Variants in KIAA1549L observed in about 807,000 individuals in gnomAD.
The protein encoded by KIAA1549L is UPF0606 protein KIAA1549L.
In KIAA1549L, 88 loss-of-function variants were observed where a neutral mutation model predicts 160.7. The ratio of observed to expected loss-of-function variants is 0.55; its 90% CI spans 0.46 to 0.65. The LOEUF (loss-of-function observed/expected upper bound fraction) is 0.65, where lower values mean the gene tolerates loss of function less well. Ranked by LOEUF, KIAA1549L falls within the 30% of genes least tolerant of loss-of-function variation. The pLI is 0.00. For missense variants in KIAA1549L, 2,258 were observed against 2,437.5 expected (o/e 0.93, Z 1.55); for synonymous variants, 950 against 976.7 (o/e 0.97, Z 0.51).
At chr11:33,579,277 T>G (rs2133258602) in intron 10 of KIAA1549L, among the ~76,000 whole-genome samples, 1 of 152,206 alleles carries the variant, frequency 6.6e-6, no homozygotes, top group Admixed American at 6.5e-5. Context: ...ACATAGTAAG[T>G]GGCAGCTGAA....
intron 1 of KIAA1549L, among the ~76,000 whole-genome samples, chr11:33,389,337 G>A (rs1850230096): frequency 4.6e-5 from 7 of 152,228 alleles, no homozygotes. Flanking sequence ...AGAAGAAAAT[G>A]TGTTGAAATT....
intron 1 of KIAA1549L, among the ~76,000 whole-genome samples, chr11:33,496,506 C>A (rs1191041557): frequency 2.0e-5 from 3 of 152,238 alleles, no homozygotes; most frequent in Non-Finnish European, 4.4e-5. Flanking sequence ...ATTCTACCCC[C>A]AGACATGTTC....
chr11:33,577,435 T>G (rs1379974650), intron 10 of KIAA1549L, among the ~76,000 whole-genome samples: 3 of 152,106 alleles, frequency 2.0e-5, no homozygotes, highest in Non-Finnish European at 2.9e-5. Context: ...AAGCTGACAA[T>G]GCAGAAGAGA....
intron 1 of KIAA1549L, among the ~76,000 whole-genome samples, chr11:33,540,253 G>T (rs1357210370): frequency 6.6e-6 from 1 of 152,184 alleles, no homozygotes; most frequent in Non-Finnish European, 1.5e-5. Context: ...CTATGTAACT[G>T]AAACAAGATG....
At chr11:33,578,628 C>T (rs1392051432) in intron 10 of KIAA1549L, among the ~76,000 whole-genome samples, 1 of 152,214 alleles carries the variant, frequency 6.6e-6, no homozygotes, top group African/African-American at 2.4e-5. Flanking sequence ...ATCCAAACTC[C>T]TGTCTTCACA....
intron 1 of KIAA1549L, among the ~76,000 whole-genome samples, chr11:33,377,166 G>C (rs1207684330): frequency 6.6e-6 from 1 of 152,154 alleles, no homozygotes; most frequent in African/African-American, 2.4e-5. Flanking sequence ...TGTGTGTTTA[G>C]GACACCTTAA....
chr11:33,379,805 G>A (rs1245771444), intron 1 of KIAA1549L, among the ~76,000 whole-genome samples: 1 of 152,196 alleles, frequency 6.6e-6, no homozygotes, highest in Non-Finnish European at 1.5e-5. Context: ...TATACAGTAG[G>A]CGCTCAGTGA....
chr11:33,633,160 TTTTTTTTTTTG>T, intron 16 of KIAA1549L, among the ~76,000 whole-genome samples: 1 of 140,530 alleles, frequency 7.1e-6, no homozygotes, highest in African/African-American at 2.7e-5. Context: ...TTTTTTTTTT[TTTTTTTTTTTG>T]TATTTTTAGT....
intron 1 of KIAA1549L, among the ~76,000 whole-genome samples, chr11:33,457,075 A>T (rs1851840755): frequency 6.6e-6 from 1 of 152,188 alleles, no homozygotes. Flanking sequence ...GCAGATGCAC[A>T]GTTACCGGCT....
Position 33,671,578 on chromosome 11 carries a change from T to G in KIAA1549L, c.*3424T>G, listed in dbSNP as rs1399323342. ...GGAAGAAAGGAAATAGATCTGTGAT[T>G]AAAACACACACACACACACACACAC... On this transcript the variant is annotated 3_prime_UTR_variant, in exon 21 of 21. Coordinates refer to ENST00000658780, the MANE Select transcript of KIAA1549L (RefSeq NM_012194.3). The G allele has an allele frequency of 3.2e-5, 3 of 93,698 alleles. No homozygotes were observed. The Admixed American group carries it at 3.4e-4, about 11-fold the overall frequency. 5.8% of individuals were successfully genotyped at this position (93,698 alleles called of 1,614,324 possible).
chr11:33,665,587 C>CTGAT (rs1244389706), intron 20 of KIAA1549L: 1 of 73,398 alleles, frequency 1.4e-5, no homozygotes, highest in Admixed American at 1.5e-4. Context: ...GAAGTGTGTG[C>CTGAT]TGATTGGTCC....
In KIAA1549L at chr11:33,434,433, T is replaced by G. The variant is rs556039383; in HGVS notation, c.238+57544T>G. On this transcript the variant is annotated intron_variant, in intron 1 of 20. Transcript: ENST00000658780. ...TTTATAAATTACCCAGTCCAAGGTG[T>G]GTCTTTATTAGCAGTGTGAGAACAG... 3.3e-5 allele frequency among the ~76,000 whole-genome samples: 5 copies of G among 152,328 alleles called. No homozygotes were observed. The East Asian group carries it at 9.6e-4, about 29-fold the overall frequency.
chr11:33,420,949 G>A (rs1006217277), intron 1 of KIAA1549L, among the ~76,000 whole-genome samples: 8 of 152,144 alleles, frequency 5.3e-5, no homozygotes, highest in African/African-American at 1.9e-4. Context: ...AGGGTGACAA[G>A]GGTCCCTCCG....
At chr11:33,418,359 T>C (rs1850928769) in intron 1 of KIAA1549L, among the ~76,000 whole-genome samples, 1 of 152,126 alleles carries the variant, frequency 6.6e-6, no homozygotes, top group Non-Finnish European at 1.5e-5. Flanking sequence ...TCTGGAGACA[T>C]TGAATTAATA....
At chr11:33,485,350 A>G (rs949630189) in intron 1 of KIAA1549L, among the ~76,000 whole-genome samples, 3 of 152,214 alleles carry the variant, frequency 2.0e-5, no homozygotes, top group Admixed American at 6.5e-5. Flanking sequence ...AATCTTCTAC[A>G]AAATTTATCT....
chr11:33,475,728 A>C (rs1852272261), intron 1 of KIAA1549L, among the ~76,000 whole-genome samples: 2 of 151,560 alleles, frequency 1.3e-5, no homozygotes, highest in South Asian at 4.2e-4. Context: ...GACGTGGTGC[A>C]CATCTATGGT....
intron 1 of KIAA1549L, among the ~76,000 whole-genome samples, chr11:33,453,472 G>A (rs938702342): frequency 1.1e-4 from 16 of 152,350 alleles, no homozygotes; most frequent in Admixed American, 5.2e-4. Flanking sequence ...ATAGGACTGC[G>A]TTATCTAAGA....
In KIAA1549L at chr11:33,574,732, A is replaced by C. The variant is rs1331938701; in HGVS notation, c.4261A>C (p.Lys1421Gln). The C allele has an allele frequency of 6.2e-7, 1 of 1,612,952 alleles. No individual in the cohort carries two copies. Among genetic ancestry groups the C allele is most frequent in the Non-Finnish European group, 8.5e-7 (1 of 1,179,314 alleles). The change falls in exon 10 of 21, where the codon AAG (lysine) becomes CAG (glutamine). Residue 1421 changes from lysine (K) to glutamine (Q), a missense_variant. Transcript: ENST00000658780. ...GAAGATGCAGCGTGTCCCAGGCCCG[A>C]AGGACCCAGCGGAGCTGACTTACTA... ...MVKMQRVPGP[K>Q]DPAELTYYTL...
intron 1 of KIAA1549L, among the ~76,000 whole-genome samples, chr11:33,537,927 A>G (rs1853929508): frequency 6.6e-6 from 1 of 152,234 alleles, no homozygotes; most frequent in South Asian, 2.1e-4. Context: ...ATCTTTAAAT[A>G]AAGTTGATAC....
Sources: allele counts gnomAD v4.1 joint callset (sites outside exome capture counted in the v4.1 genomes callset), GRCh38; gene constraint gnomAD v4.1.1; transcripts MANE v1.5; gene names NCBI Gene and HGNC (gene_info 2026-07-23, HGNC 2026-07-21).